ETV5: variants seen among roughly 807,000 people sequenced by gnomAD.
ETV5 encodes ETS variant transcription factor 5, also known as ETS translocation variant 5.
ETV5 carries 10 observed loss-of-function variants against 70.0 expected under a neutral mutation model. The ratio of observed to expected loss-of-function variants is 0.14; its 90% CI spans 0.09 to 0.24. The LOEUF (loss-of-function observed/expected upper bound fraction) is 0.24, where lower values mean the gene tolerates loss of function less well. ETV5 is among the 10% of genes least tolerant of loss of function. The pLI, the probability that ETV5 is intolerant of heterozygous loss-of-function variation, is 1.00. For synonymous variants in ETV5, 216 were observed against 242.2 expected (o/e 0.89, Z 1.01); for missense variants, 453 against 651.2 (o/e 0.70, Z 3.31).
intron 9 of ETV5, chr3:186,064,108 C>G (rs920386142): frequency 2.7e-6 from 1 of 377,232 alleles, no homozygotes; most frequent in African/African-American, 2.0e-5. Context: ...CCAAATTGTC[C>G]TATACTGTTA....
intron 5 of ETV5, chr3:186,084,283 A>AAAAAAAAAC: frequency 1.2e-5 from 1 of 80,804 alleles, no homozygotes; most frequent in East Asian, 1.0e-3. Context: ...AAGAAATGCT[A>AAAAAAAAAC]AAAAAAAAAA....
rs141729479 is a variant in ETV5, at chr3:186,048,577, C to T, written c.*62G>A. On this transcript the variant is annotated 3_prime_UTR_variant, in exon 13 of 13. Transcript: ENST00000306376. ...ACCAAAAACACAAACAAAACCACTG[C>T]CCTTGTTTGCCTGAATGGGAACTGC... The T allele has an allele frequency of 2.8e-4, 402 of 1,436,650 alleles. 4 individuals carry two copies. In the African/African-American group the frequency reaches 4.7e-3, roughly 17 times the overall value. 89.0% of individuals were successfully genotyped at this position (1,436,650 alleles called of 1,614,324 possible).
chr3:186,108,488 G>C (rs1002319078), intron 1 of ETV5: 4 of 1,283,696 alleles, frequency 3.1e-6, no homozygotes, highest in Non-Finnish European at 4.1e-6. Flanking sequence ...GGTGCTCTGG[G>C]GGGCAGCGCC....
At chr3:186,066,282 C>CAAAAAAAAAAAAAAAAAAAAAA (rs1356517173) in intron 7 of ETV5, among the ~76,000 whole-genome samples, 2 of 44,862 alleles carry the variant, frequency 4.5e-5, no homozygotes. Context: ...AAAAAAAAAT[C>CAAAAAAAAAAAAAAAAAAAAAA]AAAGCAATGA....
intron 5 of ETV5, among the ~76,000 whole-genome samples, chr3:186,091,614 G>C (rs1296709583): frequency 6.6e-6 from 1 of 152,190 alleles, no homozygotes; most frequent in Non-Finnish European, 1.5e-5. Context: ...AAAAACTACA[G>C]TCAGCAGAAG....
intron 5 of ETV5, among the ~76,000 whole-genome samples, chr3:186,093,633 G>A (rs1714238164): frequency 6.6e-6 from 1 of 152,192 alleles, no homozygotes; most frequent in South Asian, 2.1e-4. Context: ...TGTCTAACAT[G>A]TAATTGTAAC....
Position 186,079,871 on chromosome 3 carries a change from T to G in ETV5, c.596A>C (p.Gln199Pro). The change falls in exon 7 of 13, where the codon CAG becomes CCG. Residue 199 changes from glutamine (Q) to proline (P), a missense_variant. By Grantham distance (76) the Gln-to-Pro change is moderately conservative. Transcript: ENST00000306376. ...CATCATCTTTGGCATCTGCAGGGGC[T>G]GATGTGGTGGTCGGGGGACCGCAAA... Reference protein sequence around the residue: ...QTFAVPRPPHQPLQMPKMMPE... With the variant: ...QTFAVPRPPHPPLQMPKMMPE... 6.2e-7 allele frequency: 1 copy of G among 1,605,212 alleles called. No homozygotes were observed. The highest frequency in any genetic ancestry group is 8.5e-7 in the Non-Finnish European group (1 of 1,177,148).
chr3:186,070,112 G>A lies in ETV5; in HGVS notation c.651-4040C>T, dbSNP rs567470807. Among the ~76,000 whole-genome samples the A allele has an allele frequency of 7.2e-5, 11 of 152,256 alleles. No homozygotes were observed. In the East Asian group the frequency reaches 1.2e-3, roughly 16 times the overall value. ...CAGGTGTGAGCCACGGCGCCCGGCC[G>A]AAGATATTCTTAAGGCCTTATTTTT... On this transcript the variant is annotated intron_variant, in intron 7 of 12. Coordinates refer to ENST00000306376, the MANE Select transcript of ETV5 (RefSeq NM_004454.3).
chr3:186,071,362 G>A (rs533912442), intron 7 of ETV5, among the ~76,000 whole-genome samples: 14 of 152,256 alleles, frequency 9.2e-5, no homozygotes, highest in South Asian at 2.1e-4. Context: ...GGAAGAAGAC[G>A]GAAAATCGAG....
intron 1 of ETV5, among the ~76,000 whole-genome samples, chr3:186,108,248 C>A (rs1714643783): frequency 6.6e-6 from 1 of 151,596 alleles, no homozygotes; most frequent in Admixed American, 6.6e-5. Flanking sequence ...CAGCATCTTT[C>A]GGTGCTGTCC....
rs1712927076 is a variant in ETV5 at position 186,048,158 on chromosome 3, T to G, written c.*481A>C. On this transcript the variant is annotated 3_prime_UTR_variant, in exon 13 of 13. Coordinates refer to ENST00000306376, the MANE Select transcript of ETV5 (RefSeq NM_004454.3). ...AGAGCTTTCCAATGTTTAAGATGTA[T>G]TTTTAACCCTTAATGGTTTGAGCCT... 1 of 238,950 alleles carries G rather than the reference T, an allele frequency of 4.2e-6. No individual in the cohort carries two copies. The highest frequency in any genetic ancestry group is 5.3e-5 in the Admixed American group (1 of 18,926). The allele number at this position is 238,950 out of a possible 1,614,324, so 14.8% of individuals were successfully genotyped here.
chr3:186,078,231 G>T (rs1306783740), intron 7 of ETV5: 1 of 1,033,782 alleles, frequency 9.7e-7, no homozygotes, highest in African/African-American at 1.7e-5. Flanking sequence ...TAAAAAACAA[G>T]GATTGAGGGG....
At chr3:186,079,119 C>A in intron 7 of ETV5, 1 of 1,061,386 alleles carries the variant, frequency 9.4e-7, no homozygotes, top group Non-Finnish European at 1.1e-6. Flanking sequence ...AGGCCCCCAG[C>A]ACATCTTCTA....
In ETV5 at chr3:186,066,005, G is replaced by A. The variant is rs761741466; in HGVS notation, c.718C>T (p.Arg240Cys). Reference sequence around the variant, plus strand: ...GACATTTGCCGATGGTAACTGGGGCGATTATCTCCAGGAACTCCTGGCTGA... The same window carrying A: ...GACATTTGCCGATGGTAACTGGGGCAATTATCTCCAGGAACTCCTGGCTGA... ...PPQPGVPGDN[R>C]PSYHRQMSEP... Residue 240 changes from arginine (R) to cysteine (C), a missense_variant, in exon 8 of 13, where the codon CGC (arginine) becomes TGC (cysteine). By Grantham distance (180) the Arg-to-Cys change is radical. This residue lies in a region of ETV5 where 307 missense variants were observed against 344.9 expected (regional missense o/e 0.89). Coordinates refer to ENST00000306376, the MANE Select transcript of ETV5 (RefSeq NM_004454.3). 10 of 1,610,828 alleles carry A rather than the reference G, an allele frequency of 6.2e-6. No homozygotes were observed. The highest frequency in any genetic ancestry group is 4.4e-5 in the South Asian group (4 of 90,658).
rs1560045343 is a variant in ETV5 at position 186,057,390 on chromosome 3, A to C, written c.1039+33T>G. 1.2e-6 allele frequency: 2 copies of C among 1,612,240 alleles called. No individual in the cohort carries two copies. Among genetic ancestry groups the C allele is most frequent in the Non-Finnish European group, 1.7e-6 (2 of 1,178,310 alleles). On this transcript the variant is annotated intron_variant, in intron 10 of 12. Transcript: ENST00000306376. This position sits in a 1 kb window ranked among gnomAD's most constrained non-coding sequence, Gnocchi z 4.9. ...GGTGTTCTGACACCTCCAAACCTCT[A>C]CCTGGCAACAAACCTTGGATGGGGC...
chr3:186,091,550 T>C (rs1382798856), intron 5 of ETV5, among the ~76,000 whole-genome samples: 7 of 152,162 alleles, frequency 4.6e-5, no homozygotes, highest in Admixed American at 3.9e-4. Flanking sequence ...GTGGTAAAGC[T>C]AGTTCCTGGA....
At position 186,052,880 on chromosome 3, in the gene ETV5, C is replaced by T. The variant is rs1713067067; in HGVS notation, c.1210-749G>A. On this transcript the variant is annotated intron_variant, in intron 11 of 12. Coordinates refer to ENST00000306376, the MANE Select transcript of ETV5 (RefSeq NM_004454.3). This position sits in a 1 kb window ranked among gnomAD's most constrained non-coding sequence, Gnocchi z 4.5. ...AGGAAAACTTCCTAGTAGAGTTTAC[C>T]CAATTATCACGGCAGCCAAGCAATT... 1.3e-5 allele frequency among the ~76,000 whole-genome samples: 2 copies of T among 152,070 alleles called. No homozygotes were observed. Among genetic ancestry groups the T allele is most frequent in the South Asian group, 4.1e-4 (2 of 4,822 alleles).
At position 186,052,585 on chromosome 3, in the gene ETV5, A is replaced by C. The variant is rs1415492176; in HGVS notation, c.1210-454T>G. Among the ~76,000 whole-genome samples the C allele has an allele frequency of 1.3e-5, 2 of 152,188 alleles. No individual in the cohort carries two copies. The highest frequency in any genetic ancestry group is 4.8e-5 in the African/African-American group (2 of 41,438). The stretch of plus-strand genomic sequence containing the variant: ...GCCAGCAGAGCAAAAGTTCAATTCT[A>C]ATAAGATTGGAGGGGGGCTGGGAGA... On this transcript the variant is annotated intron_variant, in intron 11 of 12. Coordinates refer to ENST00000306376, the MANE Select transcript of ETV5 (RefSeq NM_004454.3). This position sits in a 1 kb window ranked among gnomAD's most constrained non-coding sequence, Gnocchi z 4.5.
intron 7 of ETV5, among the ~76,000 whole-genome samples, chr3:186,069,487 A>G (rs1401006214): frequency 6.6e-6 from 1 of 151,808 alleles, no homozygotes; most frequent in Non-Finnish European, 1.5e-5. Flanking sequence ...CTTTCAGAAA[A>G]GAGAGACGAA....
Sources: allele counts gnomAD v4.1 joint callset (sites outside exome capture counted in the v4.1 genomes callset), GRCh38; gene constraint gnomAD v4.1.1; regional missense constraint gnomAD v4.1.1; non-coding constraint Gnocchi (gnomAD v3.1); transcripts MANE v1.5; gene names NCBI Gene and HGNC (gene_info 2026-07-23, HGNC 2026-07-21).